SAMD12: variants seen among roughly 807,000 people sequenced by gnomAD.
SAMD12 encodes the protein sterile alpha motif domain-containing protein 12.
SAMD12 carries 9 observed loss-of-function variants against 15.0 expected under a neutral mutation model. The ratio of observed to expected loss-of-function variants is 0.60; its 90% CI spans 0.36 to 1.05. The LOEUF is 1.05. Among genes scored for constraint, SAMD12 ranks in the 50% least tolerant of loss-of-function variants. SAMD12 has a pLI of 0.01. For synonymous variants in SAMD12, 86 were observed against 90.1 expected (o/e 0.96, Z 0.25); for missense variants, 230 against 234.2 (o/e 0.98, Z 0.12).
chr8:118,520,785 T>A (rs1825369025), intron 2 of SAMD12, among the ~76,000 whole-genome samples: 1 of 152,132 alleles, frequency 6.6e-6, no homozygotes, highest in African/African-American at 2.4e-5. Context: ...CTATACAAAC[T>A]TTTTTTCATT....
intron 2 of SAMD12, among the ~76,000 whole-genome samples, chr8:118,553,262 C>A (rs62531926): frequency 0.12 from 18,070 of 152,088 alleles, 1,207 homozygotes; most frequent in Middle Eastern, 0.21. Context: ...GGAGGCATCA[C>A]GCTACCTGAC....
chr8:118,358,131 C>T (rs759743046), intron 4 of SAMD12, among the ~76,000 whole-genome samples: 9 of 151,124 alleles, frequency 6.0e-5, no homozygotes, highest in African/African-American at 1.7e-4. Context: ...GGCAGTGGAG[C>T]GAGGCCCTGT....
rs144923886 is a variant in SAMD12 at position 118,572,723 on chromosome 8, T to C, written c.192+7992A>G. 9.0e-3 allele frequency among the ~76,000 whole-genome samples: 1,366 copies of C among 152,274 alleles called. 27 individuals carry two copies. The highest frequency in any genetic ancestry group is 0.029 in the African/African-American group (1,224 of 41,554). On this transcript the variant is annotated intron_variant, in intron 2 of 3. Transcript: ENST00000314727. ...ACACTTCCACGTGGCTAGGGAAGTC[T>C]CACAATTAAACCTCTTTCTTTTGTA...
At chr8:118,540,019 A>G (rs1399310174) in intron 2 of SAMD12, among the ~76,000 whole-genome samples, 3 of 152,214 alleles carry the variant, frequency 2.0e-5, no homozygotes, top group Non-Finnish European at 4.4e-5. Context: ...CCATCCTTAA[A>G]ATAAGTTGTC....
intron 4 of SAMD12, among the ~76,000 whole-genome samples, chr8:118,244,366 C>G (rs909542859): frequency 6.6e-6 from 1 of 152,122 alleles, no homozygotes; most frequent in African/African-American, 2.4e-5. Context: ...TAGTGGGTGG[C>G]TAAAGACCAT....
At chr8:118,398,007 T>C (rs888448121) in intron 3 of SAMD12, among the ~76,000 whole-genome samples, 4 of 152,160 alleles carry the variant, frequency 2.6e-5, no homozygotes, top group African/African-American at 9.7e-5. Context: ...CAGGCTAATC[T>C]CAAACTCCTG....
chr8:118,437,748 C>A (rs1451296178), intron 3 of SAMD12, among the ~76,000 whole-genome samples: 1 of 152,136 alleles, frequency 6.6e-6, no homozygotes, highest in Non-Finnish European at 1.5e-5. Flanking sequence ...TACCTCATTC[C>A]CACACTCCTG....
chr8:118,222,970 G>A (rs1586359087), intron 4 of SAMD12, among the ~76,000 whole-genome samples: 1 of 152,148 alleles, frequency 6.6e-6, no homozygotes, highest in Non-Finnish European at 1.5e-5. Context: ...CTACAGGTAA[G>A]TCTCCACTTT....
At chr8:118,382,493 A>G (rs1236742318) in intron 3 of SAMD12, among the ~76,000 whole-genome samples, 2 of 152,222 alleles carry the variant, frequency 1.3e-5, no homozygotes, top group South Asian at 2.1e-4. Flanking sequence ...ACATAGCCCT[A>G]CTAGAATGTT....
chr8:118,595,873 T>C (rs1289364669), intron 1 of SAMD12, among the ~76,000 whole-genome samples: 1 of 152,248 alleles, frequency 6.6e-6, no homozygotes, highest in East Asian at 1.9e-4. Flanking sequence ...ATGGGCACCA[T>C]TTTAAGCATT....
intron 4 of SAMD12, among the ~76,000 whole-genome samples, chr8:118,231,314 A>C (rs1812306016): frequency 6.6e-6 from 1 of 152,082 alleles, no homozygotes. Flanking sequence ...TGCACTTCCT[A>C]GGAAGGGGGA....
intron 4 of SAMD12, among the ~76,000 whole-genome samples, chr8:118,213,172 G>A (rs1207254851): frequency 6.6e-6 from 1 of 152,158 alleles, no homozygotes; most frequent in African/African-American, 2.4e-5. Flanking sequence ...CAAATATTTT[G>A]TCATAGCCTT....
At chr8:118,577,785 T>A (rs1277623276) in intron 2 of SAMD12, among the ~76,000 whole-genome samples, 2 of 152,094 alleles carry the variant, frequency 1.3e-5, no homozygotes, top group Admixed American at 1.3e-4. Context: ...GACCCCACGA[T>A]AACTCACTTC....
chr8:118,595,672 G>A (rs1169604755), intron 1 of SAMD12, among the ~76,000 whole-genome samples: 2 of 152,190 alleles, frequency 1.3e-5, no homozygotes, highest in East Asian at 3.9e-4. Flanking sequence ...GAGTTCTTCT[G>A]CTTTGCTCTT....
chr8:118,164,798 G>GAATA, the SAMD12 span, among the ~76,000 whole-genome samples: 1 of 150,994 alleles, frequency 6.6e-6, no homozygotes, highest in South Asian at 2.1e-4. Context: ...TATTAGAACC[G>GAATA]TTGTCTCTCT....
the SAMD12 span, among the ~76,000 whole-genome samples, chr8:118,142,272 A>C: frequency 6.6e-6 from 1 of 152,216 alleles, no homozygotes; most frequent in Non-Finnish European, 1.5e-5. Context: ...TAACCTTTTA[A>C]GAATCAATCT....
chr8:118,431,568 T>C (rs975706216), intron 3 of SAMD12, among the ~76,000 whole-genome samples: 4 of 152,140 alleles, frequency 2.6e-5, no homozygotes, highest in African/African-American at 9.6e-5. Context: ...CATTTTCTTC[T>C]TGCTTAAGAG....
At chr8:118,580,587 C>A in intron 2 of SAMD12, 128 bp downstream of exon 2, 1 of 656,674 alleles carries the variant, frequency 1.5e-6, no homozygotes, top group Admixed American at 2.5e-5. Flanking sequence ...CCGCAAGATA[C>A]AGTGCTCATT....
rs994104728 is a variant in SAMD12, at chr8:118,446,814, C to T, written c.193-6853G>A. 5.9e-4 allele frequency among the ~76,000 whole-genome samples: 90 copies of T among 152,076 alleles called. 1 individual carries two copies. Among genetic ancestry groups the T allele is most frequent in the Admixed American group, 5.9e-3 (90 of 15,262 alleles). ...CAGGGCTCTCCATTGAGTCTCATGG[C>T]TTGTTTTTTGGTTTTCTTTTACCAT... On this transcript the variant is annotated intron_variant, in intron 2 of 3. Transcript: ENST00000314727.
Sources: gnomAD v4.1 joint callset for allele counts (sites outside exome capture counted in the v4.1 genomes callset) on GRCh38, gnomAD v4.1.1 for gene constraint, MANE v1.5 for transcripts, NCBI Gene and HGNC (gene_info 2026-07-23, HGNC 2026-07-21) for gene names.